FOCAD: variants seen among roughly 807,000 people sequenced by gnomAD.
FOCAD encodes KIAA1797.
A neutral mutation model predicts 225.6 loss-of-function variants in FOCAD; 198 were observed. The ratio of observed to expected loss-of-function variants is 0.88; its 90% CI spans 0.78 to 0.99. The LOEUF (loss-of-function observed/expected upper bound fraction) is 0.99, where lower values mean the gene tolerates loss of function less well. Among genes scored for constraint, FOCAD ranks in the 50% least tolerant of loss-of-function variants. The pLI is 0.00. For missense variants in FOCAD, 2,713 were observed against 2,123.6 expected (o/e 1.28, Z -5.46); for synonymous variants, 897 against 755.0 (o/e 1.19, Z -3.08).
chr9:20,809,770 A>C (rs1587257047), intron 11 of FOCAD, among the ~76,000 whole-genome samples: 1 of 152,136 alleles, frequency 6.6e-6, no homozygotes, highest in East Asian at 1.9e-4. Flanking sequence ...GTCTTTTGTC[A>C]GTTGTGTCAT....
chr9:20,981,743 C>G, intron 38 of FOCAD, 57 bp downstream of exon 38: 11 of 1,549,150 alleles, frequency 7.1e-6, no homozygotes, highest in Non-Finnish European at 9.6e-6. Context: ...ATTTTAAAGG[C>G]TTCTTGGCAA....
rs146091577 is a variant in FOCAD at position 20,756,377 on chromosome 9, A to G, written c.393-1713A>G. Among the ~76,000 whole-genome samples the G allele has an allele frequency of 5.0e-3, 754 of 152,268 alleles. 7 individuals are homozygous for G. Among genetic ancestry groups the G allele is most frequent in the Middle Eastern group, 0.017 (5 of 294 alleles). On this transcript the variant is annotated intron_variant, in intron 5 of 43. Transcript: ENST00000338382. ...GGTGTTTCACATGTGTTTCAATGTGATAGATCTAATGTACTCTTCTGTTTT... is the reference window on the plus strand; with the variant it reads ...GGTGTTTCACATGTGTTTCAATGTGGTAGATCTAATGTACTCTTCTGTTTT...
rs1247100798 is a variant in FOCAD at position 20,990,330 on chromosome 9, G to T, written c.5212G>T (p.Ala1738Ser). 5 of 1,613,872 alleles carry T rather than the reference G, an allele frequency of 3.1e-6. No homozygotes were observed. The highest frequency in any genetic ancestry group is 4.2e-6 in the Non-Finnish European group (5 of 1,179,988). ...EVLTLLPNSM[A>S]LLLQKEPWKE... ...TCTCACTCTCCTTCCCAATAGCATG[G>T]CTCTGCTGCTGCAGAAAGAGCCATG... Residue 1738 changes from alanine to serine, a missense_variant, in exon 42 of 44, where the codon GCT (alanine) becomes TCT (serine). Transcript: ENST00000338382.
At chr9:20,874,583 C>G in intron 18 of FOCAD, 98 bp from the exon 19 acceptor site, 1 of 1,366,582 alleles carries the variant, frequency 7.3e-7, no homozygotes, top group Non-Finnish European at 1.0e-6. Context: ...TGGAGTCTAA[C>G]AAAATTTTAA....
chr9:20,714,171 A>G (rs954163071), intron 1 of FOCAD, among the ~76,000 whole-genome samples: 44 of 152,194 alleles, frequency 2.9e-4, no homozygotes, highest in African/African-American at 9.7e-4. Flanking sequence ...GACTATTTGC[A>G]TATACTTTAA....
chr9:20,837,017 C>G (rs536901635), intron 15 of FOCAD, among the ~76,000 whole-genome samples: 1 of 152,180 alleles, frequency 6.6e-6, no homozygotes, highest in South Asian at 2.1e-4. Context: ...CTCCAGTCCC[C>G]TTTTCTCTGC....
intron 1 of FOCAD, among the ~76,000 whole-genome samples, chr9:20,705,819 A>G (rs1008114347): frequency 1.3e-5 from 2 of 151,760 alleles, no homozygotes; most frequent in African/African-American, 4.8e-5. Flanking sequence ...ACTATTTTTC[A>G]TTGATATACT....
At chr9:20,779,245 G>T (rs7021616) in intron 9 of FOCAD, among the ~76,000 whole-genome samples, 9 of 152,096 alleles carry the variant, frequency 5.9e-5, no homozygotes, top group Non-Finnish European at 8.8e-5. Flanking sequence ...GGCCAAGGGT[G>T]GCAAAAATGT....
chr9:20,954,844 C>A (rs1028242019), intron 35 of FOCAD, among the ~76,000 whole-genome samples: 2 of 152,102 alleles, frequency 1.3e-5, no homozygotes, highest in African/African-American at 4.8e-5. Flanking sequence ...TAATGATGAC[C>A]CCAGAGGAGT....
intron 2 of FOCAD, among the ~76,000 whole-genome samples, chr9:20,659,392 G>C (rs1821638214): frequency 4.9e-5 from 4 of 81,326 alleles, no homozygotes; most frequent in Admixed American, 3.6e-4. Flanking sequence ...GAGTGACAGA[G>C]TGACTCCATC....
intron 36 of FOCAD, among the ~76,000 whole-genome samples, chr9:20,977,454 C>G (rs1293314593): frequency 1.3e-5 from 2 of 152,108 alleles, no homozygotes; most frequent in Non-Finnish European, 2.9e-5. Flanking sequence ...CCACAGCAAC[C>G]TATTTTATAC....
chr9:20,723,139 G>A (rs1825916816), intron 4 of FOCAD, among the ~76,000 whole-genome samples: 1 of 152,190 alleles, frequency 6.6e-6, no homozygotes, highest in Admixed American at 6.5e-5. Flanking sequence ...GAATTATCCT[G>A]TCATCTCTGC....
intron 1 of FOCAD, among the ~76,000 whole-genome samples, chr9:20,708,423 G>T (rs1293628614): frequency 6.6e-6 from 1 of 151,986 alleles, no homozygotes; most frequent in African/African-American, 2.4e-5. Flanking sequence ...TTTTTTATCA[G>T]CCATTTTATC....
At chr9:20,825,497 T>C (rs1391175705) in intron 15 of FOCAD, among the ~76,000 whole-genome samples, 1 of 152,122 alleles carries the variant, frequency 6.6e-6, no homozygotes, top group East Asian at 1.9e-4. Context: ...GATCCTTGAC[T>C]ATCAAATATA....
At chr9:20,758,864 A>T (rs1338875223) in intron 6 of FOCAD, among the ~76,000 whole-genome samples, 1 of 152,144 alleles carries the variant, frequency 6.6e-6, no homozygotes, top group Non-Finnish European at 1.5e-5. Context: ...ATATCTAGAA[A>T]ACCCCACTGA....
chr9:20,875,361 G>C (rs1349036767), intron 19 of FOCAD: 1 of 152,670 alleles, frequency 6.6e-6, no homozygotes, highest in African/African-American at 2.4e-5. Context: ...AAAGTAGGCT[G>C]GGTATGATGG....
At chr9:20,901,547 C>G (rs1363860735) in intron 21 of FOCAD, among the ~76,000 whole-genome samples, 1 of 151,632 alleles carries the variant, frequency 6.6e-6, no homozygotes, top group Admixed American at 6.6e-5. Flanking sequence ...GTTAAGATCA[C>G]TCAAGAGGTG....
intron 3 of FOCAD, among the ~76,000 whole-genome samples, chr9:20,719,778 C>CATTTTTTTTTTTTTTTTTTTTTT (rs773031183): frequency 1.6e-5 from 1 of 62,112 alleles, no homozygotes. Context: ...TTTTCCTAGG[C>CATTTTTTTTTTTTTTTTTTTTTT]TTTTTTTTTT....
At chr9:20,689,040 G>T (rs1271847021) in intron 1 of FOCAD, among the ~76,000 whole-genome samples, 1 of 152,108 alleles carries the variant, frequency 6.6e-6, no homozygotes, top group East Asian at 1.9e-4. Flanking sequence ...GACTGGATAG[G>T]GATGACGATA....
Sources: gnomAD v4.1 joint callset for allele counts (sites outside exome capture counted in the v4.1 genomes callset) on GRCh38, gnomAD v4.1.1 for gene constraint, MANE v1.5 for transcripts, NCBI Gene and HGNC (gene_info 2026-07-23, HGNC 2026-07-21) for gene names.